The following RCOR1 variants were observed in gnomAD, a reference collection of about 807,000 sequenced individuals.
RCOR1 encodes the protein REST corepressor 1.
RCOR1 carries 12 observed loss-of-function variants against 64.0 expected under a neutral mutation model. The observed-to-expected ratio is 0.19, with a 90% CI of 0.12 to 0.30. The LOEUF is 0.30. RCOR1 is among the 10% of genes least tolerant of loss of function. The probability of loss-of-function intolerance (pLI) is 1.00; values close to 1 mark genes in which losing one functional copy is unlikely to be tolerated. For synonymous variants in RCOR1, 279 were observed against 227.2 expected (o/e 1.23, Z -2.05); for missense variants, 502 against 621.2 (o/e 0.81, Z 2.04).
At chr14:102,661,861 G>T (rs1452214299) in intron 2 of RCOR1, among the ~76,000 whole-genome samples, 1 of 152,174 alleles carries the variant, frequency 6.6e-6, no homozygotes, top group African/African-American at 2.4e-5. Context: ...GACTCAAGGA[G>T]TTCACCCACC....
chr14:102,604,705 GTAT>G (rs1378936360), intron 2 of RCOR1, among the ~76,000 whole-genome samples: 1 of 152,142 alleles, frequency 6.6e-6, no homozygotes, highest in African/African-American at 2.4e-5. Context: ...TTAATTTTAA[GTAT>G]TATAAGAATT....
chr14:102,655,637 G>A, intron 2 of RCOR1: 1 of 379,052 alleles, frequency 2.6e-6, no homozygotes, highest in Non-Finnish European at 3.6e-6. Flanking sequence ...ATCTCCCACT[G>A]GTTGTATGTA....
intron 3 of RCOR1, among the ~76,000 whole-genome samples, chr14:102,690,200 A>G (rs1206058484): frequency 2.6e-5 from 4 of 152,242 alleles, no homozygotes; most frequent in Non-Finnish European, 5.9e-5. Context: ...TACCTATGAC[A>G]TACGCACAAT....
At chr14:102,714,678 T>G in intron 8 of RCOR1, 61 bp downstream of exon 8, 1 of 1,301,572 alleles carries the variant, frequency 7.7e-7, no homozygotes, top group Admixed American at 2.3e-5. Context: ...GGTGTTTCTG[T>G]TATTCATATA....
intron 3 of RCOR1, chr14:102,695,442 A>G (rs1255957548): frequency 6.6e-6 from 1 of 152,100 alleles, no homozygotes; most frequent in Non-Finnish European, 1.5e-5. Context: ...TGCAGATGGA[A>G]CTCCTTGTTC....
chr14:102,721,578 GA>G (rs60090156), intron 10 of RCOR1: 30 of 385,650 alleles, frequency 7.8e-5, no homozygotes, highest in South Asian at 1.7e-4. Context: ...TTTTTTAATG[GA>G]AAAAAAAGAG....
intron 2 of RCOR1, among the ~76,000 whole-genome samples, chr14:102,680,982 G>C (rs1005679422): frequency 1.3e-5 from 2 of 152,058 alleles, no homozygotes; most frequent in African/African-American, 2.4e-5. Context: ...CTGCCTCTCA[G>C]ATTTTACTAA....
chr14:102,678,173 G>A (rs532168139), intron 2 of RCOR1, among the ~76,000 whole-genome samples: 78 of 152,174 alleles, frequency 5.1e-4, no homozygotes, highest in Non-Finnish European at 6.8e-4. Flanking sequence ...GCTTTGGCTC[G>A]GCATCAGAGG....
intron 2 of RCOR1, among the ~76,000 whole-genome samples, chr14:102,616,111 G>A (rs187264211): frequency 6.6e-5 from 10 of 152,204 alleles, no homozygotes; most frequent in Admixed American, 5.2e-4. Context: ...AAGAGTTCCT[G>A]CAGATACCTC....
rs1411812019 is a variant in RCOR1, at chr14:102,728,793, GA to G, written c.*2289del. 1.3e-5 allele frequency: 2 copies of G among 152,144 alleles called. No homozygotes were observed. Among genetic ancestry groups the G allele is most frequent in the East Asian group, 3.8e-4 (2 of 5,204 alleles). 9.4% of individuals were successfully genotyped at this position (152,144 alleles called of 1,614,324 possible). Reference sequence around the variant, plus strand: ...CTGACCTGGGCTTTCTCCCCGAGAGGAAGGGGCATGTCATTTTTATTTGACA... The same window carrying G: ...CTGACCTGGGCTTTCTCCCCGAGAGGAGGGGCATGTCATTTTTATTTGACA... On this transcript the variant is annotated 3_prime_UTR_variant, in exon 12 of 12. Transcript: ENST00000262241.
chr14:102,626,686 G>C (rs1021171024), intron 2 of RCOR1, among the ~76,000 whole-genome samples: 1 of 152,202 alleles, frequency 6.6e-6, no homozygotes, highest in African/African-American at 2.4e-5. Flanking sequence ...AGCAGGCACA[G>C]TGAGGACCAC....
At chr14:102,674,562 A>G (rs1895099858) in intron 2 of RCOR1, among the ~76,000 whole-genome samples, 1 of 152,186 alleles carries the variant, frequency 6.6e-6, no homozygotes, top group Non-Finnish European at 1.5e-5. Context: ...TAGTCTAGAA[A>G]TGGAATTGCT....
chr14:102,641,620 T>C (rs983380966), intron 2 of RCOR1, among the ~76,000 whole-genome samples: 1 of 151,980 alleles, frequency 6.6e-6, no homozygotes, highest in Non-Finnish European at 1.5e-5. Context: ...AAAATAATAA[T>C]ATTTATGCCG....
intron 2 of RCOR1, among the ~76,000 whole-genome samples, chr14:102,676,442 A>C (rs1437164531): frequency 4.5e-5 from 5 of 111,254 alleles, no homozygotes; most frequent in Admixed American, 8.3e-5. Flanking sequence ...CACCTCCCGG[A>C]CGGGGCGGCC....
chr14:102,639,144 G>C (rs1410465776), intron 2 of RCOR1, among the ~76,000 whole-genome samples: 1 of 152,130 alleles, frequency 6.6e-6, no homozygotes, highest in African/African-American at 2.4e-5. Context: ...CCATTAAAAA[G>C]CATTTGGATG....
chr14:102,683,604 G>A (rs1041974231), intron 3 of RCOR1, among the ~76,000 whole-genome samples: 3 of 152,224 alleles, frequency 2.0e-5, no homozygotes, highest in Non-Finnish European at 2.9e-5. Context: ...AAGCAATGTG[G>A]GCAACTTCTC....
At chr14:102,667,519 G>A (rs962048281) in intron 2 of RCOR1, among the ~76,000 whole-genome samples, 1 of 151,670 alleles carries the variant, frequency 6.6e-6, no homozygotes, top group East Asian at 1.9e-4. Flanking sequence ...TAATAATAAT[G>A]ATAATAATAA....
rs77465204 is a variant in RCOR1 at position 102,723,850 on chromosome 14, G to A, written c.1419+1434G>A. Among the ~76,000 whole-genome samples the A allele has an allele frequency of 8.1e-3, 1,232 of 152,234 alleles. 26 individuals carry two copies. Among genetic ancestry groups the A allele is most frequent in the African/African-American group, 0.027 (1,125 of 41,524 alleles). On this transcript the variant is annotated intron_variant, in intron 11 of 11. Transcript: ENST00000262241. Reference sequence around the variant, plus strand: ...GAAGCAGAAACAGTTGGGAACGCTGGCTCTATTCCCTCTTCGCATTTGATC... The same window carrying A: ...GAAGCAGAAACAGTTGGGAACGCTGACTCTATTCCCTCTTCGCATTTGATC...
intron 4 of RCOR1, among the ~76,000 whole-genome samples, chr14:102,707,010 A>G (rs1253812118): frequency 6.6e-6 from 1 of 152,006 alleles, no homozygotes; most frequent in Non-Finnish European, 1.5e-5. Context: ...TCCAAGAAAA[A>G]TATTTTTATT....
Sources: allele counts gnomAD v4.1 joint callset (sites outside exome capture counted in the v4.1 genomes callset), GRCh38; gene constraint gnomAD v4.1.1; transcripts MANE v1.5; gene names NCBI Gene and HGNC (gene_info 2026-07-23, HGNC 2026-07-21).